The following C11orf98 variants were observed in gnomAD, a reference collection of about 807,000 sequenced individuals.
The protein encoded by C11orf98 is chromosome 11 open reading frame 98, also known as 28S rRNA/ribosome and sororin micro-cofactor.
A neutral mutation model predicts 10.9 loss-of-function variants in C11orf98; 7 were observed. That is an observed-to-expected ratio of 0.64 (90% confidence interval 0.37 to 1.21). The LOEUF is 1.21. C11orf98 is among the 50% of genes most tolerant of loss of function. C11orf98 has a pLI of 0.02. For missense variants in C11orf98, 181 were observed against 153.7 expected, an observed-to-expected ratio of 1.18 and a Z score of -0.94; for synonymous variants, 70 against 57.2, an observed-to-expected ratio of 1.22 and a Z score of -1.01.
chr11:62,663,839 G>GA (rs1944718643), intron 2 of C11orf98, among the ~76,000 whole-genome samples: 1 of 151,830 alleles, frequency 6.6e-6, no homozygotes, highest in Admixed American at 6.6e-5. Context: ...TTGGGAGGCT[G>GA]AGGTGGGCGG....
intron 2 of C11orf98, 59 bp downstream of exon 2, chr11:62,664,790 T>C: frequency 4.5e-6 from 7 of 1,544,464 alleles, no homozygotes; most frequent in South Asian, 2.4e-5. Flanking sequence ...TCCGGAGCTC[T>C]GCAGGGAGGA....
intron 2 of C11orf98, 28 bp from the exon 3 acceptor site, chr11:62,663,361 C>T (rs778502737): frequency 4.9e-5 from 78 of 1,603,220 alleles, no homozygotes; most frequent in Admixed American, 8.5e-5. Context: ...ATAAAGAGAG[C>T]TAGGTTAACC....
rs748117814 is a variant in C11orf98 at position 62,663,292 on chromosome 11, C to CA, written c.205_206insT (p.Arg69LeufsTer30). On this transcript the variant is annotated frameshift_variant, in exon 3 of 4. Transcript: ENST00000524958. LOFTEE classifies it high-confidence loss of function. ...CCGGATCTGCTGGAGGAGTTTTCTG[C>CA]GCTTCTTCCCTGACAGTGTAATGTT... 1 of 1,614,166 alleles carries CA rather than the reference C, an allele frequency of 6.2e-7. No homozygotes were observed. Among genetic ancestry groups the CA allele is most frequent in the Non-Finnish European group, 8.5e-7 (1 of 1,180,034 alleles).
In C11orf98 at chr11:62,663,139, C is replaced by T. The variant is rs756324077; in HGVS notation, c.283G>A (p.Ala95Thr). 4 of 1,614,128 alleles carry T rather than the reference C, an allele frequency of 2.5e-6. No homozygotes were observed. Among genetic ancestry groups the T allele is most frequent in the Non-Finnish European group, 2.5e-6 (3 of 1,180,004 alleles). The change falls in exon 4 of 4, where the codon GCC (alanine) becomes ACC (threonine). Residue 95 changes from alanine (A) to threonine (T), a missense_variant. By Grantham distance (58) the Ala-to-Thr change is moderately conservative. Transcript: ENST00000524958. Reference protein sequence around the residue: ...AMEVEAPSKPARTSEPQLKRQ... With the variant: ...AMEVEAPSKPTRTSEPQLKRQ... ...TTGAGCTGTGGTTCACTAGTCCTGGCTGGCTTTGAAGGGGCTTCCACTGAG... is the reference window on the plus strand; with the variant it reads ...TTGAGCTGTGGTTCACTAGTCCTGGTTGGCTTTGAAGGGGCTTCCACTGAG...
chr11:62,664,523 G>A (rs1944741358), intron 2 of C11orf98, among the ~76,000 whole-genome samples: 1 of 151,896 alleles, frequency 6.6e-6, no homozygotes, highest in African/African-American at 2.4e-5. Context: ...CAAAAACGGG[G>A]TTTCACCATG....
At position 62,664,911 on chromosome 11, in the gene C11orf98, G is replaced by T; in HGVS notation, c.102C>A (p.His34Gln). 1.2e-6 allele frequency: 2 copies of T among 1,601,210 alleles called. No homozygotes were observed. The highest frequency in any genetic ancestry group is 1.7e-6 in the Non-Finnish European group (2 of 1,174,206). Residue 34 changes from histidine to glutamine, a missense_variant, in exon 2 of 4, where the codon CAC becomes CAA. Coordinates refer to ENST00000524958, the MANE Select transcript of C11orf98 (RefSeq NM_001286086.2). ...RVLNRERRLR[H>Q]RVVGAVIDQG... ...GGTCTATCACAGCCCCGACCACCCG[G>T]TGCCTCAGACGCCGCTCCCGATTCA...
chr11:62,665,028 C>T, intron 1 of C11orf98, 55 bp from the exon 2 acceptor site: 1 of 1,599,676 alleles, frequency 6.3e-7, no homozygotes, highest in Non-Finnish European at 8.5e-7. Flanking sequence ...GACCCGGGGC[C>T]CCTCCACCAG....
At chr11:62,664,130 T>C (rs1944728350) in intron 2 of C11orf98, among the ~76,000 whole-genome samples, 1 of 144,186 alleles carries the variant, frequency 6.9e-6, no homozygotes, top group Non-Finnish European at 1.5e-5. Flanking sequence ...ATTAATGGGA[T>C]GGGAACTCTT....
In C11orf98 at chr11:62,663,216, C is replaced by G. The variant is rs1944700386; in HGVS notation, c.262+20G>C. The G allele has an allele frequency of 6.2e-7, 1 of 1,613,828 alleles. No homozygotes were observed. Among genetic ancestry groups the G allele is most frequent in the Non-Finnish European group, 8.5e-7 (1 of 1,179,900 alleles). On this transcript the variant is annotated intron_variant, in intron 3 of 3. Coordinates refer to ENST00000524958, the MANE Select transcript of C11orf98 (RefSeq NM_001286086.2). ...AAATAAATCCAGGATTCCCCTCACC[C>G]ACCTCTGTCCCAGCCTCACCTTCCA...
In C11orf98 at chr11:62,663,236, C is replaced by A; in HGVS notation, c.262G>T (p.Val88Leu). ...TCACCCACCTCTGTCCCAGCCTCAC[C>A]TTCCATGGCTGTCTTCTCTTTCTGG... is the stretch of plus-strand genomic sequence containing the variant. The part of the protein sequence containing the change: ...LAQKEKTAME[V>L]EAPSKPARTS... The change falls in exon 3 of 4, where the codon GTG becomes TTG. Residue 88 changes from valine to leucine, a missense_variant and splice_region_variant. Coordinates refer to ENST00000524958, the MANE Select transcript of C11orf98 (RefSeq NM_001286086.2). The A allele has an allele frequency of 3.1e-6, 5 of 1,614,160 alleles. No homozygotes were observed. Among genetic ancestry groups the A allele is most frequent in the Non-Finnish European group, 4.2e-6 (5 of 1,180,020 alleles).
intron 2 of C11orf98, among the ~76,000 whole-genome samples, chr11:62,663,729 A>G (rs1343024495): frequency 1.3e-5 from 2 of 150,664 alleles, no homozygotes; most frequent in Non-Finnish European, 3.0e-5. Flanking sequence ...TTAAATAAAT[A>G]TAATATAAAT....
chr11:62,664,326 C>CTTTTTTTT (rs35917869), intron 2 of C11orf98, among the ~76,000 whole-genome samples: 1 of 77,432 alleles, frequency 1.3e-5, no homozygotes, highest in African/African-American at 5.7e-5. Context: ...TCCTGATATT[C>CTTTTTTTT]TTTTTTTTTT....
At position 62,665,188 on chromosome 11, in the gene C11orf98, G is replaced by C. The variant is rs1049361741; in HGVS notation, c.-19C>G. On this transcript the variant is annotated 5_prime_UTR_variant, in exon 1 of 4. Transcript: ENST00000524958. Reference sequence around the variant, plus strand: ...CTCCCATAGTCGCGATTCCACTCCAGTTCACGGTCCGTACTTCCGCTCAGC... The same window carrying C: ...CTCCCATAGTCGCGATTCCACTCCACTTCACGGTCCGTACTTCCGCTCAGC... 2.4e-6 allele frequency: 2 copies of C among 816,720 alleles called. No homozygotes were observed. The highest frequency in any genetic ancestry group is 3.4e-5 in the African/African-American group (2 of 59,274). The allele number at this position is 816,720 out of a possible 1,614,324, so 50.6% of individuals were successfully genotyped here. A position where few individuals can be genotyped will look rare whatever the true frequency, so the allele number is the denominator to read the frequency against.
rs1257737855 is a variant in C11orf98, at chr11:62,665,159, G to A, written c.11C>T (p.Pro4Leu). The A allele has an allele frequency of 2.2e-6, 2 of 917,218 alleles. No individual in the cohort carries two copies. Among genetic ancestry groups the A allele is most frequent in the Non-Finnish European group, 3.4e-6 (2 of 581,294 alleles). The allele number at this position is 917,218 out of a possible 1,614,324, so 56.8% of individuals were successfully genotyped here. Residue 4 changes from proline to leucine, a missense_variant, in exon 1 of 4, where the codon CCG (proline) becomes CTG (leucine). Physicochemically the swap from Pro to Leu is moderately conservative, Grantham distance 98. Transcript: ENST00000524958. Reference sequence around the variant, plus strand: ...TCGGGGCCGGTTGATCTTTCCCCCCGGAGCTCCCATAGTCGCGATTCCACT... The same window carrying A: ...TCGGGGCCGGTTGATCTTTCCCCCCAGAGCTCCCATAGTCGCGATTCCACT... MGA[P>L]GGKINRPRTE...
chr11:62,663,844 G>A (rs1164462263), intron 2 of C11orf98, among the ~76,000 whole-genome samples: 1 of 151,706 alleles, frequency 6.6e-6, no homozygotes, highest in East Asian at 1.9e-4. Context: ...AGGCTGAGGT[G>A]GGCGGATCAC....
At chr11:62,663,429 G>A (rs1944706935) in intron 2 of C11orf98, 96 bp from the exon 3 acceptor site, 3 of 1,297,828 alleles carry the variant, frequency 2.3e-6, no homozygotes, top group Admixed American at 2.3e-5. Context: ...TAAATAGGCT[G>A]GGCGCAGTGG....
chr11:62,663,711 G>T (rs920467019), intron 2 of C11orf98, among the ~76,000 whole-genome samples: 28 of 148,570 alleles, frequency 1.9e-4, no homozygotes, highest in Admixed American at 1.3e-3. Flanking sequence ...AAAAAAAAAG[G>T]AAAAGTATTA....
Position 62,663,349 on chromosome 11 carries a change from A to G in C11orf98, c.165-16T>C, listed in dbSNP as rs751868689. The G allele has an allele frequency of 1.2e-6, 2 of 1,611,514 alleles. No homozygotes were observed. Among genetic ancestry groups the G allele is most frequent in the Admixed American group, 1.7e-5 (1 of 59,688 alleles). On this transcript the variant is annotated splice_polypyrimidine_tract_variant and intron_variant, in intron 2 of 3. Transcript: ENST00000524958. Reference sequence around the variant, plus strand: ...TGCACTGGACCTGATGGGTAAGTGGAAATAAAGAGAGCTAGGTTAACCTGA... The same window carrying G: ...TGCACTGGACCTGATGGGTAAGTGGGAATAAAGAGAGCTAGGTTAACCTGA...
chr11:62,663,110 C>T lies in C11orf98; in HGVS notation c.312G>A (p.Arg104=). Residue 104 remains arginine (R), a synonymous_variant, in exon 4 of 4, where the codon AGG becomes AGA. Coordinates refer to ENST00000524958, the MANE Select transcript of C11orf98 (RefSeq NM_001286086.2). ...PARTSEPQLK[R]QKKTKAPQDV... is the part of the protein sequence containing the mutation. ...CCTGGGGGGCTTTTGTCTTCTTTTG[C>T]CTTTTGAGCTGTGGTTCACTAGTCC... 2.5e-6 allele frequency: 4 copies of T among 1,613,926 alleles called. No homozygotes were observed. The highest frequency in any genetic ancestry group is 3.4e-6 in the Non-Finnish European group (4 of 1,179,906).
Sources: gnomAD v4.1 joint callset for allele counts (sites outside exome capture counted in the v4.1 genomes callset) on GRCh38, gnomAD v4.1.1 for gene constraint, MANE v1.5 for transcripts, NCBI Gene and HGNC (gene_info 2026-07-23, HGNC 2026-07-21) for gene names.